Variants in SMC1B observed in about 807,000 individuals in gnomAD.
The protein encoded by SMC1B is structural maintenance of chromosomes 1B.
SMC1B carries 60 observed loss-of-function variants against 157.9 expected under a neutral mutation model. The ratio of observed to expected loss-of-function variants is 0.38; its 90% CI spans 0.31 to 0.47. The LOEUF is 0.47. Among genes scored for constraint, SMC1B ranks in the 20% least tolerant of loss-of-function variants. SMC1B has a pLI of 0.99. For missense variants in SMC1B, 1,165 were observed against 1,426.2 expected (o/e 0.82, Z 2.95); for synonymous variants, 445 against 483.0 (o/e 0.92, Z 1.03).
intron 9 of SMC1B, among the ~76,000 whole-genome samples, chr22:45,390,566 G>A (rs1198939076): frequency 1.3e-5 from 2 of 152,246 alleles, no homozygotes; most frequent in South Asian, 2.1e-4. Context: ...ATTACTGGGC[G>A]TGGTGGCGCA....
chr22:45,393,491 T>G (rs1386746612), intron 9 of SMC1B, 143 bp downstream of exon 9: 2 of 634,882 alleles, frequency 3.2e-6, no homozygotes, highest in Non-Finnish European at 5.3e-6. Flanking sequence ...ATATAAAGAG[T>G]CAAACACAAA....
At chr22:45,348,721 T>TTG (rs2086576948) in intron 23 of SMC1B, among the ~76,000 whole-genome samples, 1 of 151,164 alleles carries the variant, frequency 6.6e-6, no homozygotes, top group African/African-American at 2.4e-5. Flanking sequence ...AAGGACTGTT[T>TTG]TTTTTGTTTT....
intron 9 of SMC1B, among the ~76,000 whole-genome samples, chr22:45,392,164 G>A (rs759690300): frequency 6.6e-6 from 1 of 152,060 alleles, no homozygotes; most frequent in African/African-American, 2.4e-5. Context: ...GGCCAGGCTG[G>A]TCTCAAACTC....
intron 4 of SMC1B, among the ~76,000 whole-genome samples, chr22:45,405,150 C>T (rs2087243823): frequency 6.6e-6 from 1 of 151,668 alleles, no homozygotes; most frequent in African/African-American, 2.4e-5. Context: ...AGCAAAAGCC[C>T]CAGAATAGAA....
chr22:45,363,481 G>T (rs2146780844), intron 15 of SMC1B, among the ~76,000 whole-genome samples: 2 of 152,222 alleles, frequency 1.3e-5, no homozygotes, highest in East Asian at 3.9e-4. Flanking sequence ...AGGAGTTCGA[G>T]ACCAGCCTGG....
chr22:45,402,449 A>G lies in SMC1B; in HGVS notation c.738T>C (p.Asn246=), dbSNP rs117905694. Residue 246 remains asparagine, a synonymous_variant, in exon 5 of 25, where the codon AAT becomes AAC. Coordinates refer to ENST00000357450, the MANE Select transcript of SMC1B (RefSeq NM_148674.5). The part of the protein sequence containing the change: ...HLLNTKLEHV[N]RDLSVKRESL... ...ACTCTCTTTTGACACTCAAATCCCT[A>G]TTCACATGCTCTAACTTGGTGTTCA... 1.1e-3 allele frequency: 1,704 copies of G among 1,613,902 alleles called. 43 individuals carry two copies. The East Asian group carries it at 0.03, about 28-fold the overall frequency.
intron 20 of SMC1B, 149 bp downstream of exon 20, chr22:45,354,810 A>C: frequency 3.2e-6 from 2 of 620,738 alleles, no homozygotes; most frequent in Non-Finnish European, 5.5e-6. Flanking sequence ...ACAATTAATG[A>C]TTCAGTATTA....
At chr22:45,360,973 C>CTT (rs57185919) in intron 17 of SMC1B, among the ~76,000 whole-genome samples, 1 of 143,068 alleles carries the variant, frequency 7.0e-6, no homozygotes, top group Non-Finnish European at 1.5e-5. Context: ...GTGCCAGGTA[C>CTT]TTTTTTTTTT....
At chr22:45,405,824 A>C (rs1367128539) in intron 4 of SMC1B, among the ~76,000 whole-genome samples, 1 of 152,212 alleles carries the variant, frequency 6.6e-6, no homozygotes, top group African/African-American at 2.4e-5. Context: ...GTGTCGACAC[A>C]TGCACTAACA....
chr22:45,354,088 A>T lies in SMC1B; in HGVS notation c.3163T>A (p.Phe1055Ile), dbSNP rs1265863359. ...TATCTCCTTTTTTTCACTTGCTCGA[A>T]CTCTTGCCTACACAGTCTGGCTTCC... Reference protein sequence around the residue: ...RKEARLCRQEFEQVKKRRYDL... With the variant: ...RKEARLCRQEIEQVKKRRYDL... The change falls in exon 21 of 25, where the codon TTC (phenylalanine) becomes ATC (isoleucine). Residue 1055 changes from phenylalanine to isoleucine, a missense_variant. Transcript: ENST00000357450. 1 of 1,600,202 alleles carries T rather than the reference A, an allele frequency of 6.2e-7. No homozygotes were observed. Among genetic ancestry groups the T allele is most frequent in the Non-Finnish European group, 8.5e-7 (1 of 1,174,982 alleles).
rs542565378 is a variant in SMC1B at position 45,397,893 on chromosome 22, G to A, written c.1113+1202C>T. Among the ~76,000 whole-genome samples, 12 of 152,230 alleles carry A rather than the reference G, an allele frequency of 7.9e-5. 1 individual carries two copies. The South Asian group carries it at 2.5e-3, about 32-fold the overall frequency. ...TTCTTCTTTGCCTTCCTCACTCTTCGATTGCCAGTGTAGCTTCATTCTTCT... is the reference window on the plus strand; with the variant it reads ...TTCTTCTTTGCCTTCCTCACTCTTCAATTGCCAGTGTAGCTTCATTCTTCT... On this transcript the variant is annotated intron_variant, in intron 6 of 24. Coordinates refer to ENST00000357450, the MANE Select transcript of SMC1B (RefSeq NM_148674.5).
intron 10 of SMC1B, 103 bp from the exon 11 acceptor site, chr22:45,387,149 G>T (rs1368428710): frequency 2.9e-6 from 3 of 1,040,796 alleles, no homozygotes; most frequent in Non-Finnish European, 4.2e-6. Context: ...GGCAGCAAAA[G>T]ATCAACAGTA....
chr22:45,370,604 A>G (rs1193294229), intron 14 of SMC1B, among the ~76,000 whole-genome samples: 1 of 152,208 alleles, frequency 6.6e-6, no homozygotes, highest in Non-Finnish European at 1.5e-5. Context: ...AAAAACTTTC[A>G]GATTTTAGTT....
chr22:45,405,189 A>G (rs992905181), intron 4 of SMC1B, among the ~76,000 whole-genome samples: 1 of 152,138 alleles, frequency 6.6e-6, no homozygotes, highest in African/African-American at 2.4e-5. Context: ...ACACATAATA[A>G]AGGTCAAGGT....
At position 45,408,699 on chromosome 22, in the gene SMC1B, T is replaced by TA; in HGVS notation, c.298+10dup. 1.9e-6 allele frequency: 3 copies of TA among 1,554,532 alleles called. No homozygotes were observed. Among genetic ancestry groups the TA allele is most frequent in the Admixed American group, 2.2e-5 (1 of 45,922 alleles). On this transcript the variant is annotated intron_variant, in intron 2 of 24. Transcript: ENST00000357450. ...TGAAAAATAAAATGAAAAAAAATTA[T>TA]AAAAAAATACCTCGGATAATCCTTG...
At chr22:45,348,238 T>G (rs1202816237) in intron 23 of SMC1B, among the ~76,000 whole-genome samples, 2 of 152,142 alleles carry the variant, frequency 1.3e-5, no homozygotes, top group African/African-American at 4.8e-5. Flanking sequence ...TACAGTAAAT[T>G]ATTGGATACA....
intron 15 of SMC1B, among the ~76,000 whole-genome samples, chr22:45,364,824 C>CTTTTTTTTTTTT (rs202166311): frequency 9.5e-6 from 1 of 105,502 alleles, no homozygotes; most frequent in African/African-American, 4.2e-5. Flanking sequence ...ATCTCTTTTC[C>CTTTTTTTTTTTT]TTTTTTTTTT....
At chr22:45,411,401 C>G (rs1480287082) in intron 1 of SMC1B, among the ~76,000 whole-genome samples, 1 of 151,984 alleles carries the variant, frequency 6.6e-6, no homozygotes, top group African/African-American at 2.4e-5. Flanking sequence ...TCCATAGAGA[C>G]AGAAAGTGAA....
intron 4 of SMC1B, among the ~76,000 whole-genome samples, chr22:45,403,450 C>CTGTTTGTTTGTT (rs34642361): frequency 2.6e-5 from 4 of 151,072 alleles, no homozygotes; most frequent in East Asian, 1.9e-4. Context: ...ATCCCTGATC[C>CTGTTTGTTTGTT]TGTTTGTTTG....
Sources: allele counts gnomAD v4.1 joint callset (sites outside exome capture counted in the v4.1 genomes callset), GRCh38; gene constraint gnomAD v4.1.1; transcripts MANE v1.5; gene names NCBI Gene and HGNC (gene_info 2026-07-23, HGNC 2026-07-21).